The following FAAH2 variants were observed in gnomAD, a reference collection of about 807,000 sequenced individuals.
FAAH2 encodes the protein fatty acid amide hydrolase 2.
In FAAH2, 60 loss-of-function variants were observed where a neutral mutation model predicts 36.9. The observed-to-expected ratio is 1.63, with a 90% CI of 1.32 to 2.02. The LOEUF (loss-of-function observed/expected upper bound fraction) is 2.02, where lower values mean the gene tolerates loss of function less well. FAAH2 is among the 30% of genes most tolerant of loss of function. The probability of loss-of-function intolerance (pLI) is 0.00; values close to 1 mark genes in which losing one functional copy is unlikely to be tolerated. For missense variants in FAAH2, 689 were observed against 397.5 expected (o/e 1.73, Z -6.23); for synonymous variants, 214 against 143.8 (o/e 1.49, Z -3.49).
the FAAH2 span, among the ~76,000 whole-genome samples, chrX:57,214,626 G>T: frequency 9.0e-6 from 1 of 110,578 alleles, no homozygotes; most frequent in Non-Finnish European, 1.9e-5. Flanking sequence ...ACGGGATTTC[G>T]CCATGTTAGC....
chrX:57,294,881 CA>C (rs2052086459), intron 2 of FAAH2, among the ~76,000 whole-genome samples: 1 of 110,654 alleles, frequency 9.0e-6, no homozygotes, highest in South Asian at 3.8e-4. Flanking sequence ...ACTATTTTAA[CA>C]AAGAATTTAA....
At position 57,331,645 on chromosome X, in the gene FAAH2, A is replaced by G. The variant is rs755102177; in HGVS notation, c.460A>G (p.Lys154Glu). The G allele has an allele frequency of 4.1e-6, 5 of 1,211,822 alleles. No individual in the cohort carries two copies. In the South Asian group the frequency reaches 7.0e-5, roughly 17 times the overall value. ...GLMNRRDAIA[K>E]TDATVVALLK... ...CATGAACCGTCGTGATGCCATTGCC[A>G]AAACAGATGCCACTGTGGTGGCATT... The change falls in exon 4 of 11, where the codon AAA (lysine) becomes GAA (glutamate). Residue 154 changes from lysine to glutamate, a missense_variant. Transcript: ENST00000374900.
At chrX:57,190,809 C>T in the FAAH2 span, among the ~76,000 whole-genome samples, 2 of 110,408 alleles carry the variant, frequency 1.8e-5, no homozygotes, top group South Asian at 8.1e-4. Context: ...GTTGGTCTCG[C>T]TGGGAGCTGC....
At chrX:57,225,247 C>T in the FAAH2 span, among the ~76,000 whole-genome samples, 1 of 110,984 alleles carries the variant, frequency 9.0e-6, no homozygotes, top group Admixed American at 9.6e-5. Flanking sequence ...TCTGTATGCA[C>T]TTTTTCAGAC....
chrX:57,419,209 T>G (rs1227306992), intron 7 of FAAH2, among the ~76,000 whole-genome samples: 1 of 111,218 alleles, frequency 9.0e-6, no homozygotes, highest in Non-Finnish European at 1.9e-5. Context: ...ACAGCGTGAT[T>G]TATAGTCCTT....
chrX:57,302,980 A>G (rs767084532), intron 2 of FAAH2, among the ~76,000 whole-genome samples: 1 of 111,189 alleles, frequency 9.0e-6, no homozygotes, highest in Admixed American at 9.6e-5. Context: ...AGGGTATCCA[A>G]TTTCCTTTAT....
intron 10 of FAAH2, among the ~76,000 whole-genome samples, chrX:57,456,614 C>T (rs1335594228): frequency 8.9e-6 from 1 of 112,071 alleles, no homozygotes; most frequent in Non-Finnish European, 1.9e-5. Context: ...GATGATATTA[C>T]AACTGATTCC....
the FAAH2 span, among the ~76,000 whole-genome samples, chrX:57,244,757 A>G: frequency 3.6e-5 from 4 of 112,001 alleles, no homozygotes; most frequent in Non-Finnish European, 7.5e-5. Flanking sequence ...AACATCTGGA[A>G]CCAGCCACTG....
chrX:57,263,042 A>G, the FAAH2 span, among the ~76,000 whole-genome samples: 1 of 111,460 alleles, frequency 9.0e-6, no homozygotes, highest in African/African-American at 3.3e-5. Flanking sequence ...CCCTAAAATT[A>G]GGAAACAGGC....
At chrX:57,294,867 C>T (rs1196721827) in intron 2 of FAAH2, among the ~76,000 whole-genome samples, 2 of 111,225 alleles carry the variant, frequency 1.8e-5, no homozygotes, top group Non-Finnish European at 3.8e-5. Flanking sequence ...GGCCCAGAAA[C>T]CACACTATTT....
At chrX:57,184,165 G>A in the FAAH2 span, among the ~76,000 whole-genome samples, 1 of 111,465 alleles carries the variant, frequency 9.0e-6, no homozygotes, top group African/African-American at 3.3e-5. Context: ...TGCTTTTGTC[G>A]TTTGTCCTGT....
At chrX:57,323,840 T>C (rs1478656383) in intron 3 of FAAH2, among the ~76,000 whole-genome samples, 9 of 111,021 alleles carry the variant, frequency 8.1e-5, no homozygotes, top group Admixed American at 7.7e-4. Flanking sequence ...AGCTCTTTAG[T>C]TTGATTAGAT....
At chrX:57,397,178 T>C (rs2055326332) in intron 7 of FAAH2, among the ~76,000 whole-genome samples, 1 of 111,756 alleles carries the variant, frequency 8.9e-6, no homozygotes, top group African/African-American at 3.3e-5. Flanking sequence ...GGTGGGTGTC[T>C]TAGGCAACAG....
chrX:57,151,422 T>G, the FAAH2 span, among the ~76,000 whole-genome samples: 1 of 112,025 alleles, frequency 8.9e-6, no homozygotes, highest in Non-Finnish European at 1.9e-5. Flanking sequence ...TTTGGTCTTT[T>G]CACATAGTCC....
the FAAH2 span, among the ~76,000 whole-genome samples, chrX:57,160,320 G>T: frequency 9.0e-6 from 1 of 111,035 alleles, no homozygotes; most frequent in Non-Finnish European, 1.9e-5. Context: ...TTGTATCTCT[G>T]CCAGGCTTTG....
intron 7 of FAAH2, among the ~76,000 whole-genome samples, chrX:57,407,043 CTG>C (rs1300433683): frequency 8.9e-6 from 1 of 111,978 alleles, no homozygotes; most frequent in African/African-American, 3.2e-5. Flanking sequence ...AGCATTGTAC[CTG>C]TGTTTCCTTT....
chrX:57,129,075 C>A, the FAAH2 span, among the ~76,000 whole-genome samples: 3 of 111,615 alleles, frequency 2.7e-5, no homozygotes, highest in Non-Finnish European at 5.7e-5. Context: ...AAGCTTCTTG[C>A]CTTTGAGAAT....
At chrX:57,241,863 G>A in the FAAH2 span, among the ~76,000 whole-genome samples, 2 of 111,243 alleles carry the variant, frequency 1.8e-5, no homozygotes, top group Non-Finnish European at 3.8e-5. Context: ...GCACAGAAAA[G>A]CAGCTATGGC....
At chrX:57,252,526 G>A in the FAAH2 span, among the ~76,000 whole-genome samples, 10 of 111,906 alleles carry the variant, frequency 8.9e-5, no homozygotes, top group African/African-American at 3.2e-4. Context: ...TCTCTGGCTG[G>A]CATCTAGAGG....
Sources: allele counts gnomAD v4.1 joint callset (sites outside exome capture counted in the v4.1 genomes callset), GRCh38; gene constraint gnomAD v4.1.1; transcripts MANE v1.5; gene names NCBI Gene and HGNC (gene_info 2026-07-23, HGNC 2026-07-21).